EFCAB8: variants seen among roughly 807,000 people sequenced by gnomAD.
EFCAB8 encodes the protein EF-hand calcium binding domain 8.
In EFCAB8, 100 loss-of-function variants were observed where a neutral mutation model predicts 116.3. That is an observed-to-expected ratio of 0.86 (90% CI 0.73 to 1.02). EFCAB8 has a LOEUF of 1.02. Ranked by LOEUF, EFCAB8 falls within the 50% of genes least tolerant of loss-of-function variation. The pLI is 0.00. For missense variants in EFCAB8, 1,320 were observed against 1,416.9 expected, an observed-to-expected ratio of 0.93 and a Z score of 1.10; for synonymous variants, 558 against 567.9, an observed-to-expected ratio of 0.98 and a Z score of 0.25.
At chr20:32,927,076 C>T (rs1987703101) in intron 20 of EFCAB8, among the ~76,000 whole-genome samples, 1 of 151,780 alleles carries the variant, frequency 6.6e-6, no homozygotes, top group African/African-American at 2.4e-5. Context: ...TTTTTGGAGC[C>T]TAAAACTTTT....
chr20:32,876,667 A>G (rs1034934680), intron 4 of EFCAB8, among the ~76,000 whole-genome samples: 4 of 152,224 alleles, frequency 2.6e-5, no homozygotes, highest in South Asian at 2.1e-4. Context: ...GGTAGGTGCT[A>G]TTACTTACCT....
chr20:32,961,678 G>T lies in EFCAB8; in HGVS notation c.*69G>T. On this transcript the variant is annotated 3_prime_UTR_variant, in exon 27 of 27. Coordinates refer to ENST00000400522, the MANE Select transcript of EFCAB8 (RefSeq NM_001143967.2). ...CCCATGGCGGTCCTGCATGTTCTCG[G>T]CTTATTCCCTACCAGACCCAGAGGA... The T allele has an allele frequency of 1.0e-6, 1 of 975,418 alleles. No homozygotes were observed. The allele number at this position is 975,418 out of a possible 1,614,324, so 60.4% of individuals were successfully genotyped here.
intron 3 of EFCAB8, among the ~76,000 whole-genome samples, chr20:32,869,484 CCTT>C (rs768900511): frequency 3.3e-5 from 5 of 152,150 alleles, no homozygotes; most frequent in Non-Finnish European, 7.3e-5. Flanking sequence ...GATCCGCCTG[CCTT>C]AGCCTCCCAA....
chr20:32,882,185 T>C (rs1218530486), intron 5 of EFCAB8, among the ~76,000 whole-genome samples: 3 of 151,308 alleles, frequency 2.0e-5, no homozygotes, highest in Non-Finnish European at 2.9e-5. Flanking sequence ...GCAACAAGAA[T>C]GAAAACTCCG....
At chr20:32,882,354 A>G (rs1288015589) in intron 5 of EFCAB8, among the ~76,000 whole-genome samples, 2 of 152,170 alleles carry the variant, frequency 1.3e-5, no homozygotes, top group African/African-American at 4.8e-5. Context: ...GTCACTTGAT[A>G]GCTGTTCACG....
At chr20:32,891,459 C>T (rs1985909999) in intron 7 of EFCAB8, among the ~76,000 whole-genome samples, 2 of 152,270 alleles carry the variant, frequency 1.3e-5, no homozygotes, top group African/African-American at 4.8e-5. Flanking sequence ...CTCAGGTGAT[C>T]CACCTGCCTC....
intron 22 of EFCAB8, 24 bp from the exon 23 acceptor site, chr20:32,943,612 T>C (rs1988474009): frequency 2.4e-6 from 1 of 416,758 alleles, no homozygotes; most frequent in Non-Finnish European, 4.4e-6. Flanking sequence ...GGTAAAAGTG[T>C]TTCTCCTGTA....
At chr20:32,934,501 A>G (rs562137063) in intron 22 of EFCAB8, among the ~76,000 whole-genome samples, 1 of 152,330 alleles carries the variant, frequency 6.6e-6, no homozygotes, top group African/African-American at 2.4e-5. Context: ...TAGATCATAT[A>G]GTAGTTCTAA....
chr20:32,882,467 A>G (rs181654924), intron 5 of EFCAB8, among the ~76,000 whole-genome samples: 1 of 152,334 alleles, frequency 6.6e-6, no homozygotes, highest in East Asian at 1.9e-4. Flanking sequence ...TCTTGCTTGC[A>G]TTCCCCAGGT....
In EFCAB8 at chr20:32,878,711, A is replaced by G; in HGVS notation, c.335A>G (p.Tyr112Cys). The G allele has an allele frequency of 6.4e-7, 1 of 1,551,740 alleles. No individual in the cohort carries two copies. The highest frequency in any genetic ancestry group is 8.7e-7 in the Non-Finnish European group (1 of 1,146,966). ...TGCTTTCTTTCGAGGCAGCAAAAGTATGTGGATTACATGATGCGTGAGTTC... is the reference window on the plus strand; with the variant it reads ...TGCTTTCTTTCGAGGCAGCAAAAGTGTGTGGATTACATGATGCGTGAGTTC... ...DCEGFVTWQK[Y>C]VDYMMREFQG... is the part of the protein sequence containing the mutation. The change falls in exon 5 of 27, where the codon TAT (tyrosine) becomes TGT (cysteine). Residue 112 changes from tyrosine to cysteine, a missense_variant. Transcript: ENST00000400522.
intron 3 of EFCAB8, among the ~76,000 whole-genome samples, chr20:32,868,479 C>T (rs556460445): frequency 5.9e-5 from 9 of 152,184 alleles, no homozygotes; most frequent in Non-Finnish European, 1.3e-4. Flanking sequence ...ACCCCTAGTC[C>T]AAATACCCAC....
At chr20:32,956,566 C>A (rs541781241) in intron 23 of EFCAB8, among the ~76,000 whole-genome samples, 31 of 152,012 alleles carry the variant, frequency 2.0e-4, no homozygotes, top group Non-Finnish European at 4.1e-4. Flanking sequence ...GTATAGAATT[C>A]TCAGCTGGCA....
chr20:32,924,685 C>T (rs1987601880), intron 20 of EFCAB8, among the ~76,000 whole-genome samples: 1 of 152,082 alleles, frequency 6.6e-6, no homozygotes, highest in African/African-American at 2.4e-5. Flanking sequence ...ATTCCTTGGG[C>T]TTTTTACGTG....
chr20:32,921,858 T>C (rs1832594025), intron 20 of EFCAB8, among the ~76,000 whole-genome samples: 1 of 139,704 alleles, frequency 7.2e-6, no homozygotes, highest in African/African-American at 2.7e-5. Flanking sequence ...TGAGACGGAG[T>C]CTTGCTCTGT....
chr20:32,864,305 T>C (rs914859483), intron 2 of EFCAB8, among the ~76,000 whole-genome samples: 2 of 148,932 alleles, frequency 1.3e-5, no homozygotes, highest in Non-Finnish European at 3.0e-5. Flanking sequence ...TGCCTGAGAC[T>C]GGGTATGGTG....
chr20:32,914,557 A>G (rs1206587294), intron 17 of EFCAB8, among the ~76,000 whole-genome samples: 1 of 152,210 alleles, frequency 6.6e-6, no homozygotes, highest in South Asian at 2.1e-4. Flanking sequence ...ACAGTTGTGC[A>G]TGGCTAGGAG....
At chr20:32,940,027 T>C (rs141962343) in intron 22 of EFCAB8, among the ~76,000 whole-genome samples, 2,567 of 27,110 alleles carry the variant, frequency 0.095, 211 homozygotes, top group African/African-American at 0.12. Context: ...CTCCCTCCCT[T>C]CCTTCCTTCC....
intron 6 of EFCAB8, 66 bp downstream of exon 6, chr20:32,885,706 A>G: frequency 1.3e-6 from 2 of 1,523,490 alleles, no homozygotes; most frequent in Non-Finnish European, 8.9e-7. Flanking sequence ...TAGCACCCCC[A>G]TGGTGAAGGT....
intron 3 of EFCAB8, among the ~76,000 whole-genome samples, chr20:32,875,050 G>T (rs1984882955): frequency 6.6e-6 from 1 of 152,042 alleles, no homozygotes; most frequent in Admixed American, 6.5e-5. Context: ...TGCCTGGCCT[G>T]GTTCTCCTTT....
Sources: allele counts gnomAD v4.1 joint callset (sites outside exome capture counted in the v4.1 genomes callset), GRCh38; gene constraint gnomAD v4.1.1; transcripts MANE v1.5; gene names NCBI Gene and HGNC (gene_info 2026-07-23, HGNC 2026-07-21).